CDS1: variants seen among roughly 807,000 people sequenced by gnomAD.
CDS1 encodes phosphatidate cytidylyltransferase 1.
In CDS1, 41 loss-of-function variants were observed where a neutral mutation model predicts 62.1. The observed-to-expected ratio is 0.66, with a 90% confidence interval of 0.51 to 0.86. The LOEUF (loss-of-function observed/expected upper bound fraction) is 0.86. CDS1 is among the 40% of genes least tolerant of loss of function. CDS1 has a pLI of 0.00. For missense variants in CDS1, 470 were observed against 550.1 expected, an observed-to-expected ratio of 0.85 and a Z score of 1.46; for synonymous variants, 185 against 192.6, an observed-to-expected ratio of 0.96 and a Z score of 0.32.
intron 1 of CDS1, among the ~76,000 whole-genome samples, chr4:84,586,228 G>A (rs1370763786): frequency 1.3e-5 from 2 of 152,112 alleles, no homozygotes; most frequent in Non-Finnish European, 2.9e-5. Flanking sequence ...TTCCACGGAT[G>A]GGTTGGGGGG....
At chr4:84,630,140 A>G (rs774067601) in intron 5 of CDS1, among the ~76,000 whole-genome samples, 7 of 152,210 alleles carry the variant, frequency 4.6e-5, no homozygotes, top group Non-Finnish European at 7.3e-5. Flanking sequence ...GAGCTTCAAG[A>G]TAAGTCTACC....
chr4:84,609,546 T>C lies in CDS1; in HGVS notation c.342+21T>C, dbSNP rs571010495. The stretch of plus-strand genomic sequence containing the variant: ...TTCTTGTAAGTTTTTGACTTTTCCC[T>C]GAGTGTCTCTTGCTTTGTTTTTCAA... On this transcript the variant is annotated intron_variant, in intron 3 of 12. Transcript: ENST00000295887. The C allele has an allele frequency of 2.6e-5, 34 of 1,289,548 alleles. No individual in the cohort carries two copies. The South Asian group carries it at 4.0e-4, about 15-fold the overall frequency. The allele number at this position is 1,289,548 out of a possible 1,614,324, so 79.9% of individuals were successfully genotyped here.
At chr4:84,584,101 C>T (rs1327619432) in intron 1 of CDS1, among the ~76,000 whole-genome samples, 5 of 152,144 alleles carry the variant, frequency 3.3e-5, no homozygotes, top group Non-Finnish European at 5.9e-5. Flanking sequence ...TTTGAGTACA[C>T]GACAGACAGT....
chr4:84,632,495 A>T lies in CDS1; in HGVS notation c.639+618A>T, dbSNP rs3804181. 2.0e-5 allele frequency among the ~76,000 whole-genome samples: 3 copies of T among 152,324 alleles called. No homozygotes were observed. The East Asian group carries it at 5.8e-4, about 29-fold the overall frequency. ...TAGTGAGGCTTATTTTGGACTTGGA[A>T]TATATTTTCTGTTCTTTATGCTTAG... On this transcript the variant is annotated intron_variant, in intron 6 of 12. Transcript: ENST00000295887.
chr4:84,621,721 C>T (rs1182579914), intron 5 of CDS1, among the ~76,000 whole-genome samples: 4 of 152,146 alleles, frequency 2.6e-5, no homozygotes, highest in African/African-American at 9.7e-5. Context: ...GCCACTGCAC[C>T]CAGCCTTTCA....
intron 1 of CDS1, among the ~76,000 whole-genome samples, chr4:84,592,154 ATTTTTT>A (rs72236126): frequency 2.3e-5 from 2 of 86,044 alleles, no homozygotes; most frequent in African/African-American, 4.8e-5. Context: ...TTAATGACCA[ATTTTTT>A]TTTTTTTTTT....
intron 9 of CDS1, among the ~76,000 whole-genome samples, chr4:84,639,858 AGT>A (rs1350041126): frequency 2.0e-5 from 3 of 152,084 alleles, no homozygotes; most frequent in Non-Finnish European, 4.4e-5. Flanking sequence ...AAATTATTCC[AGT>A]GTTTTTGTGG....
intron 12 of CDS1, 27 bp from the exon 13 acceptor site, chr4:84,648,530 C>T: frequency 6.2e-7 from 1 of 1,607,278 alleles, no homozygotes; most frequent in Non-Finnish European, 8.5e-7. Flanking sequence ...ATAACACGAA[C>T]TTGTCTTCTT....
intron 3 of CDS1, among the ~76,000 whole-genome samples, chr4:84,611,402 G>A (rs921100975): frequency 1.3e-4 from 19 of 151,534 alleles, no homozygotes; most frequent in African/African-American, 4.6e-4. Context: ...GATTTCTCTT[G>A]CCCACTTAGA....
intron 1 of CDS1, among the ~76,000 whole-genome samples, chr4:84,587,873 ATGG>A (rs1305465317): frequency 8.6e-5 from 13 of 151,862 alleles, no homozygotes; most frequent in Non-Finnish European, 1.5e-5. Context: ...GAGAGAATAG[ATGG>A]TGAATATTTC....
intron 1 of CDS1, among the ~76,000 whole-genome samples, chr4:84,595,704 C>A (rs1722727886): frequency 6.6e-6 from 1 of 152,084 alleles, no homozygotes; most frequent in Admixed American, 6.5e-5. Flanking sequence ...CTGTGAGAAC[C>A]AATCATTAAT....
chr4:84,623,696 G>A (rs567209203), intron 5 of CDS1, among the ~76,000 whole-genome samples: 3 of 152,094 alleles, frequency 2.0e-5, no homozygotes, highest in African/African-American at 7.2e-5. Flanking sequence ...TTTTCCCTTG[G>A]CTTAGAACAA....
At chr4:84,618,459 A>G (rs909818854) in intron 4 of CDS1, among the ~76,000 whole-genome samples, 9 of 152,240 alleles carry the variant, frequency 5.9e-5, no homozygotes, top group Non-Finnish European at 1.2e-4. Flanking sequence ...AAGAGAAGAT[A>G]AATAAGGATG....
intron 11 of CDS1, among the ~76,000 whole-genome samples, chr4:84,644,332 T>C (rs1374360220): frequency 1.3e-5 from 2 of 152,192 alleles, no homozygotes; most frequent in Non-Finnish European, 2.9e-5. Flanking sequence ...CAGAGTGGCA[T>C]TGAGTTACTG....
At chr4:84,623,408 C>A (rs934692376) in intron 5 of CDS1, among the ~76,000 whole-genome samples, 4 of 152,196 alleles carry the variant, frequency 2.6e-5, no homozygotes, top group Non-Finnish European at 5.9e-5. Context: ...AGGTCAGAAG[C>A]CTAGGCCTCA....
At chr4:84,614,010 A>G (rs1420962280) in intron 3 of CDS1, among the ~76,000 whole-genome samples, 6 of 152,240 alleles carry the variant, frequency 3.9e-5, no homozygotes, top group African/African-American at 1.4e-4. Context: ...TAGTAGTGTT[A>G]CATTTTATTT....
At chr4:84,623,972 G>T (rs1723770241) in intron 5 of CDS1, among the ~76,000 whole-genome samples, 1 of 151,990 alleles carries the variant, frequency 6.6e-6, no homozygotes, top group African/African-American at 2.4e-5. Flanking sequence ...GTTTCAAGAG[G>T]CCTAAACTAG....
chr4:84,642,872 T>C (rs1354450033), intron 10 of CDS1, 152 bp from the exon 11 acceptor site: 2 of 693,482 alleles, frequency 2.9e-6, no homozygotes, highest in Non-Finnish European at 4.7e-6. Flanking sequence ...AAATAGACTT[T>C]TCTTCCTTGA....
In CDS1 at chr4:84,626,525, A is replaced by T. The variant is rs769629035; in HGVS notation, c.581-5294A>T. Among the ~76,000 whole-genome samples the T allele has an allele frequency of 2.6e-5, 4 of 152,154 alleles. No individual in the cohort carries two copies. The East Asian group carries it at 7.7e-4, about 29-fold the overall frequency. On this transcript the variant is annotated intron_variant, in intron 5 of 12. Coordinates refer to ENST00000295887, the MANE Select transcript of CDS1 (RefSeq NM_001263.4). Reference sequence around the variant, plus strand: ...GGTCTTGAATTCCTGGACTCAACTTACCCTTCTGCCTCAGACTCCTTGGTA... The same window carrying T: ...GGTCTTGAATTCCTGGACTCAACTTTCCCTTCTGCCTCAGACTCCTTGGTA...
Sources: gnomAD v4.1 joint callset for allele counts (sites outside exome capture counted in the v4.1 genomes callset) on GRCh38, gnomAD v4.1.1 for gene constraint, MANE v1.5 for transcripts, NCBI Gene and HGNC (gene_info 2026-07-23, HGNC 2026-07-21) for gene names.